VAV1: variants seen among roughly 807,000 people sequenced by gnomAD.
VAV1 encodes proto-oncogene vav.
In VAV1, 33 loss-of-function variants were observed where a neutral mutation model predicts 128.1. The observed-to-expected ratio is 0.26, with a 90% confidence interval of 0.20 to 0.34. The LOEUF is 0.34. Among genes scored for constraint, VAV1 ranks in the 10% least tolerant of loss-of-function variants. The pLI is 1.00. For missense variants in VAV1, 715 were observed against 1,093.7 expected (o/e 0.65, Z 4.88); for synonymous variants, 394 against 409.8 (o/e 0.96, Z 0.47).
At chr19:6,821,907 G>C (rs769615605) in intron 4 of VAV1, 48 bp downstream of exon 4, 10 of 1,610,628 alleles carry the variant, frequency 6.2e-6, no homozygotes, top group Admixed American at 5.0e-5. Context: ...GCACCGTCCT[G>C]GGGGTGGAGG....
rs1238477312 is a variant in VAV1 at position 6,834,048 on chromosome 19, C to G, written c.1777+95C>G. The G allele has an allele frequency of 1.9e-6, 3 of 1,563,924 alleles. No homozygotes were observed. The African/African-American group carries it at 4.0e-5, about 21-fold the overall frequency. On this transcript the variant is annotated intron_variant, in intron 19 of 26. Coordinates refer to ENST00000602142, the MANE Select transcript of VAV1 (RefSeq NM_005428.4). ...AGATCTCCATAATCATATTAACAGC[C>G]ACATTGGGCCGGGTGCAATAGCTCA...
chr19:6,820,871 C>G lies in VAV1; in HGVS notation c.321+53C>G. ...CTGAGTTTCAGTTAATTTCTATTGA[C>G]GTCTACACTGGGCAAGCTAAGGACT... is the stretch of plus-strand genomic sequence containing the variant. On this transcript the variant is annotated intron_variant, in intron 2 of 26. Transcript: ENST00000602142. This position sits in a 1 kb window ranked among gnomAD's most constrained non-coding sequence, Gnocchi z 4.4. 1 of 1,542,850 alleles carries G rather than the reference C, an allele frequency of 6.5e-7. No homozygotes were observed. Among genetic ancestry groups the G allele is most frequent in the Non-Finnish European group, 9.0e-7 (1 of 1,116,120 alleles).
rs767163670 is a variant in VAV1, at chr19:6,817,725, T to C, written c.205-2977T>C. Among the ~76,000 whole-genome samples the C allele has an allele frequency of 3.9e-5, 6 of 152,232 alleles. 1 individual carries two copies. Among genetic ancestry groups the C allele is most frequent in the East Asian group, 3.9e-4 (2 of 5,164 alleles). On this transcript the variant is annotated intron_variant, in intron 1 of 26. Transcript: ENST00000602142. ...TTTCTGAGATGGGGTCTCGCTCTGT[T>C]GCCCAGGCTGGAGTGCAGTGGCACC... is the stretch of plus-strand genomic sequence containing the variant.
chr19:6,838,443 CATCT>C (rs1346675902), intron 21 of VAV1, among the ~76,000 whole-genome samples: 5 of 150,082 alleles, frequency 3.3e-5, no homozygotes, highest in Admixed American at 2.0e-4. Context: ...ATCCATCTAT[CATCT>C]ATCTACTTAT....
chr19:6,820,838 C>A lies in VAV1; in HGVS notation c.321+20C>A, dbSNP rs1444085634. The A allele has an allele frequency of 1.2e-6, 2 of 1,603,250 alleles. No homozygotes were observed. Among genetic ancestry groups the A allele is most frequent in the Non-Finnish European group, 1.7e-6 (2 of 1,170,252 alleles). On this transcript the variant is annotated intron_variant, in intron 2 of 26. Coordinates refer to ENST00000602142, the MANE Select transcript of VAV1 (RefSeq NM_005428.4). The surrounding 1 kb of genome is among the most constrained non-coding windows in gnomAD (Gnocchi z 4.4). ...GGCAAGGTGAGCTGCACACTTGAAGCCCAAAGACTGAGTTTCAGTTAATTT... is the reference window on the plus strand; with the variant it reads ...GGCAAGGTGAGCTGCACACTTGAAGACCAAAGACTGAGTTTCAGTTAATTT...
At chr19:6,847,126 C>A (rs905407521) in intron 22 of VAV1, among the ~76,000 whole-genome samples, 7 of 152,152 alleles carry the variant, frequency 4.6e-5, no homozygotes, top group Non-Finnish European at 1.0e-4. Context: ...GTTGCCCAGG[C>A]TGGTCTCGAA....
chr19:6,840,113 A>G (rs541811371), intron 21 of VAV1, among the ~76,000 whole-genome samples: 20 of 152,298 alleles, frequency 1.3e-4, no homozygotes, highest in African/African-American at 4.6e-4. Flanking sequence ...CCCATTAAAC[A>G]GCAACCACCT....
intron 24 of VAV1, among the ~76,000 whole-genome samples, chr19:6,851,038 A>G (rs757072694): frequency 6.6e-5 from 10 of 152,072 alleles, no homozygotes; most frequent in Non-Finnish European, 1.3e-4. Flanking sequence ...ATGTGTGTAT[A>G]TATGCATATA....
intron 22 of VAV1, among the ~76,000 whole-genome samples, chr19:6,846,500 A>G (rs2144819769): frequency 6.6e-6 from 1 of 151,374 alleles, no homozygotes; most frequent in Admixed American, 6.6e-5. Context: ...AGGCAGGAGA[A>G]TTGCTTGAAC....
chr19:6,836,656 C>T, intron 20 of VAV1, 88 bp downstream of exon 20: 1 of 1,551,132 alleles, frequency 6.4e-7, no homozygotes, highest in Non-Finnish European at 8.7e-7. Flanking sequence ...GGTCATAGTT[C>T]CACCATGCTC....
chr19:6,840,951 T>G (rs1972360291), intron 21 of VAV1, among the ~76,000 whole-genome samples: 2 of 152,014 alleles, frequency 1.3e-5, no homozygotes, highest in Admixed American at 6.6e-5. Context: ...CTAATTTTTG[T>G]ATTTTTAGTA....
intron 1 of VAV1, among the ~76,000 whole-genome samples, chr19:6,802,029 C>A (rs956264834): frequency 1.0e-3 from 37 of 36,252 alleles, no homozygotes; most frequent in African/African-American, 2.2e-3. Context: ...AGGAACCGTC[C>A]TCATAATGCC....
rs201079372 is a variant in VAV1 at position 6,822,275 on chromosome 19, G to A, written c.504G>A (p.Ala168=). 3.6e-5 allele frequency: 58 copies of A among 1,593,244 alleles called. No homozygotes were observed. Among genetic ancestry groups the A allele is most frequent in the Non-Finnish European group, 4.3e-5 (50 of 1,171,518 alleles). ...ATGACTGCGTGGAGAATGAGGAGGC[G>A]GAAGGCGACGAGATCTATGAGGACC... ...DLYDCVENEE[A]EGDEIYEDLM... Residue 168 remains alanine (A), a synonymous_variant, in exon 5 of 27, where the codon GCG becomes GCA. Coordinates refer to ENST00000602142, the MANE Select transcript of VAV1 (RefSeq NM_005428.4). This position sits in a 1 kb window ranked among gnomAD's most constrained non-coding sequence, Gnocchi z 5.9.
rs754518416 is a variant in VAV1, at chr19:6,857,157, C to T, written c.*50C>T. The T allele has an allele frequency of 1.1e-5, 18 of 1,611,426 alleles. No homozygotes were observed. Among genetic ancestry groups the T allele is most frequent in the Non-Finnish European group, 8.5e-6 (10 of 1,179,156 alleles). ...GAGAAACTCCAGGCTCTGAGCCCGG[C>T]GTGGGCAGGCAGCGGAGCCAGGGGC... is the stretch of plus-strand genomic sequence containing the variant. On this transcript the variant is annotated 3_prime_UTR_variant, in exon 27 of 27. Coordinates refer to ENST00000602142, the MANE Select transcript of VAV1 (RefSeq NM_005428.4).
At chr19:6,792,012 G>C (rs573173124) in intron 1 of VAV1, among the ~76,000 whole-genome samples, 3 of 151,938 alleles carry the variant, frequency 2.0e-5, no homozygotes, top group Admixed American at 6.6e-5. Flanking sequence ...TGGAACTTAA[G>C]GGGGGGATGG....
rs1299772506 is a variant in VAV1 at position 6,828,575 on chromosome 19, C to T, written c.1093-47C>T. 2 of 1,613,782 alleles carry T rather than the reference C, an allele frequency of 1.2e-6. No individual in the cohort carries two copies. Among genetic ancestry groups the T allele is most frequent in the Admixed American group, 3.3e-5 (2 of 60,006 alleles). Reference sequence around the variant, plus strand: ...CCTCTAGCCGGGATTAGGTAGGAGCCTGGGTCGGCTGTTGGGGGGCCAGGT... The same window carrying T: ...CCTCTAGCCGGGATTAGGTAGGAGCTTGGGTCGGCTGTTGGGGGGCCAGGT... On this transcript the variant is annotated intron_variant, in intron 11 of 26. Coordinates refer to ENST00000602142, the MANE Select transcript of VAV1 (RefSeq NM_005428.4). The surrounding 1 kb of genome is among the most constrained non-coding windows in gnomAD (Gnocchi z 4.5).
intron 1 of VAV1, among the ~76,000 whole-genome samples, chr19:6,776,191 T>G (rs1599610069): frequency 8.5e-6 from 1 of 117,896 alleles, no homozygotes; most frequent in Non-Finnish European, 1.8e-5. Context: ...CATCCATCCA[T>G]CCACTCCTCC....
intron 1 of VAV1, among the ~76,000 whole-genome samples, chr19:6,818,115 C>T (rs531854060): frequency 9.9e-5 from 15 of 151,938 alleles, no homozygotes; most frequent in Non-Finnish European, 2.1e-4. Context: ...CCACCACACC[C>T]AGCTGACTTT....
At chr19:6,835,240 C>T (rs1458362036) in intron 19 of VAV1, among the ~76,000 whole-genome samples, 1 of 151,484 alleles carries the variant, frequency 6.6e-6, no homozygotes, top group Non-Finnish European at 1.5e-5. Flanking sequence ...CACACACACA[C>T]ACACACACGT....
Sources: gnomAD v4.1 joint callset for allele counts (sites outside exome capture counted in the v4.1 genomes callset) on GRCh38, gnomAD v4.1.1 for gene constraint, Gnocchi (gnomAD v3.1) non-coding constraint, MANE v1.5 for transcripts, NCBI Gene and HGNC (gene_info 2026-07-23, HGNC 2026-07-21) for gene names.